The following SDHAF4 variants were observed in gnomAD, a reference collection of about 807,000 sequenced individuals.
The protein encoded by SDHAF4 is succinate dehydrogenase complex assembly factor 4.
Under a neutral mutation model 14.3 loss-of-function variants are expected in SDHAF4, and 14 were observed. The ratio of observed to expected loss-of-function variants is 0.98; its 90% confidence interval spans 0.65 to 1.53. SDHAF4 has a LOEUF of 1.53. SDHAF4 is among the 40% of genes most tolerant of loss of function. SDHAF4 has a pLI of 0.00. For synonymous variants in SDHAF4, 63 were observed against 47.3 expected (o/e 1.33, Z -1.36); for missense variants, 141 against 129.3 (o/e 1.09, Z -0.44).
chr6:70,582,430 G>T (rs893931192), intron 2 of SDHAF4, among the ~76,000 whole-genome samples: 1 of 152,092 alleles, frequency 6.6e-6, no homozygotes, highest in East Asian at 1.9e-4. Flanking sequence ...ATCAGACCTC[G>T]TTCCTGAGCA....
chr6:70,580,469 A>G (rs1053632009), intron 2 of SDHAF4, among the ~76,000 whole-genome samples: 2 of 152,096 alleles, frequency 1.3e-5, no homozygotes, highest in Admixed American at 6.6e-5. Context: ...CAGCAGTTCC[A>G]CTCTTAGGTG....
intron 1 of SDHAF4, among the ~76,000 whole-genome samples, chr6:70,576,682 TATGTA>T (rs1348231022): frequency 2.0e-5 from 3 of 152,244 alleles, no homozygotes; most frequent in Non-Finnish European, 4.4e-5. Context: ...AACATTCTAA[TATGTA>T]ATGCTGTCAA....
chr6:70,589,100 C>CA lies in SDHAF4; in HGVS notation c.*385dup, dbSNP rs201120342. The CA allele has an allele frequency of 2.2e-4, 32 of 145,774 alleles. No individual in the cohort carries two copies. Among genetic ancestry groups the CA allele is most frequent in the Admixed American group, 2.7e-4 (4 of 14,664 alleles). The allele number at this position is 145,774 out of a possible 1,614,324, so 9.0% of individuals were successfully genotyped here. On this transcript the variant is annotated 3_prime_UTR_variant, in exon 3 of 3. Transcript: ENST00000370474. Reference sequence around the variant, plus strand: ...GGGCAACAAGAGCGAAACTCCGTCTCAAAAAAAAAGATAGGAAAGGGAAAA... The same window carrying CA: ...GGGCAACAAGAGCGAAACTCCGTCTCAAAAAAAAAAGATAGGAAAGGGAAAA...
chr6:70,586,260 T>C (rs1012432870), intron 2 of SDHAF4, among the ~76,000 whole-genome samples: 1 of 152,022 alleles, frequency 6.6e-6, no homozygotes, highest in Non-Finnish European at 1.5e-5. Context: ...ATAAAGCAAA[T>C]CTGGGTTTGA....
intron 1 of SDHAF4, among the ~76,000 whole-genome samples, chr6:70,573,985 C>T (rs1298782512): frequency 6.6e-6 from 1 of 151,346 alleles, no homozygotes; most frequent in Non-Finnish European, 1.5e-5. Context: ...CTAAAAAAAA[C>T]TTGCAAAGCC....
intron 1 of SDHAF4, among the ~76,000 whole-genome samples, chr6:70,568,968 T>C (rs1054284834): frequency 2.2e-5 from 3 of 136,026 alleles, no homozygotes; most frequent in African/African-American, 8.4e-5. Flanking sequence ...TTTTCTTTTT[T>C]TTTTTTTTTT....
At chr6:70,595,848 A>G in the SDHAF4 span, among the ~76,000 whole-genome samples, 14 of 125,838 alleles carry the variant, frequency 1.1e-4, no homozygotes, top group East Asian at 3.9e-4. Flanking sequence ...AAAAAAAAAA[A>G]AAAAGAAAAG....
chr6:70,567,327 A>G, intron 1 of SDHAF4: 1 of 346,536 alleles, frequency 2.9e-6, no homozygotes. Context: ...GGCACACCGC[A>G]CTTCGATGCC....
At chr6:70,593,305 G>A (rs1253774393), downstream of SDHAF4, among the ~76,000 whole-genome samples, 1 of 152,248 alleles carries the variant, frequency 6.6e-6, no homozygotes, top group Non-Finnish European at 1.5e-5. Context: ...GATTTCAAAG[G>A]ATGTATCAGA....
intron 2 of SDHAF4, among the ~76,000 whole-genome samples, chr6:70,583,145 C>T (rs2128535610): frequency 6.6e-6 from 1 of 152,196 alleles, no homozygotes; most frequent in East Asian, 1.9e-4. Flanking sequence ...TGGAGTCTCG[C>T]TCTGTCACCC....
At chr6:70,597,299 ATTTTTTTTT>A in the SDHAF4 span, among the ~76,000 whole-genome samples, 1 of 108,100 alleles carries the variant, frequency 9.3e-6, no homozygotes, top group African/African-American at 3.9e-5. Context: ...CGCCTGGCTA[ATTTTTTTTT>A]TTTTTTTTTT....
At chr6:70,590,870 C>A (rs540262966), downstream of SDHAF4, among the ~76,000 whole-genome samples, 63 of 152,186 alleles carry the variant, frequency 4.1e-4, 2 homozygotes, top group South Asian at 1.7e-3. Context: ...AAGCTGAACA[C>A]CTGAAGACCC....
intron 2 of SDHAF4, among the ~76,000 whole-genome samples, chr6:70,584,634 C>T (rs1432071593): frequency 1.3e-5 from 2 of 151,806 alleles, no homozygotes; most frequent in Non-Finnish European, 2.9e-5. Flanking sequence ...AAACTGCAGG[C>T]TATTATAAGG....
At chr6:70,596,294 A>G in the SDHAF4 span, 6 of 152,182 alleles carry the variant, frequency 3.9e-5, no homozygotes, top group Admixed American at 1.3e-4. Flanking sequence ...TGGCAGGACT[A>G]TTAACACTGA....
chr6:70,597,040 G>A, the SDHAF4 span: 3 of 152,204 alleles, frequency 2.0e-5, no homozygotes, highest in South Asian at 2.1e-4. Flanking sequence ...AGTGCCTAAT[G>A]AGTTCATTCA....
At chr6:70,596,054 A>G in the SDHAF4 span, among the ~76,000 whole-genome samples, 1 of 152,202 alleles carries the variant, frequency 6.6e-6, no homozygotes, top group African/African-American at 2.4e-5. Flanking sequence ...ACAGTATCAA[A>G]TATATAGGTA....
downstream of SDHAF4, among the ~76,000 whole-genome samples, chr6:70,591,401 C>T (rs1340355397): frequency 7.0e-6 from 1 of 142,778 alleles, no homozygotes; most frequent in Non-Finnish European, 1.5e-5. Context: ...GCACAATCTC[C>T]ACTCACTGCA....
chr6:70,576,759 T>C (rs1802260625), intron 1 of SDHAF4, among the ~76,000 whole-genome samples: 1 of 152,338 alleles, frequency 6.6e-6, no homozygotes, highest in South Asian at 2.1e-4. Context: ...CCTAAAGGCA[T>C]AAATTGTCCC....
At chr6:70,575,143 C>T (rs1463770586) in intron 1 of SDHAF4, among the ~76,000 whole-genome samples, 1 of 152,140 alleles carries the variant, frequency 6.6e-6, no homozygotes, top group East Asian at 1.9e-4. Flanking sequence ...TTTGGGAGAC[C>T]AAAGCAGGCA....
Sources: gnomAD v4.1 joint callset for allele counts (sites outside exome capture counted in the v4.1 genomes callset) on GRCh38, gnomAD v4.1.1 for gene constraint, MANE v1.5 for transcripts, NCBI Gene and HGNC (gene_info 2026-07-23, HGNC 2026-07-21) for gene names.